Variants in CHST9 observed in about 807,000 individuals in gnomAD.
CHST9 encodes the protein GalNAc-4-sulfotransferase 2.
CHST9 carries 41 observed loss-of-function variants against 44.4 expected under a neutral mutation model. The ratio of observed to expected loss-of-function variants is 0.92; its 90% confidence interval spans 0.72 to 1.20. The LOEUF is 1.20. CHST9 is among the 50% of genes most tolerant of loss of function. The probability of loss-of-function intolerance (pLI) is 0.00; values close to 1 mark genes in which losing one functional copy is unlikely to be tolerated. For synonymous variants in CHST9, 171 were observed against 178.4 expected, an observed-to-expected ratio of 0.96 and a Z score of 0.33; for missense variants, 504 against 516.5, an observed-to-expected ratio of 0.98 and a Z score of 0.23.
At chr18:27,029,147 C>G (rs1371944693) in intron 3 of CHST9, among the ~76,000 whole-genome samples, 1 of 151,964 alleles carries the variant, frequency 6.6e-6, no homozygotes, top group Non-Finnish European at 1.5e-5. Flanking sequence ...TTCTCCTGGT[C>G]AGCAGGAGAA....
chr18:27,142,560 T>C, intron 2 of CHST9, 129 bp downstream of exon 2: 1 of 652,690 alleles, frequency 1.5e-6, no homozygotes, highest in African/African-American at 1.9e-5. Context: ...GGGAATTTTA[T>C]CTTATGACTC....
intron 5 of CHST9, among the ~76,000 whole-genome samples, chr18:26,922,342 T>C (rs2055672848): frequency 6.6e-6 from 1 of 152,210 alleles, no homozygotes; most frequent in South Asian, 2.1e-4. Context: ...CCCTTTGAAA[T>C]GACTATAGCA....
chr18:27,138,559 T>C (rs1190295261), intron 2 of CHST9, among the ~76,000 whole-genome samples: 1 of 151,910 alleles, frequency 6.6e-6, no homozygotes. Flanking sequence ...TGAATTTTCC[T>C]GAATTGTGGC....
At chr18:26,993,377 A>G (rs1293993052) in intron 4 of CHST9, among the ~76,000 whole-genome samples, 1 of 152,228 alleles carries the variant, frequency 6.6e-6, no homozygotes, top group Non-Finnish European at 1.5e-5. Context: ...TTTTAGGTCC[A>G]GAAATGAAGG....
At chr18:27,079,561 C>A (rs913286686) in intron 2 of CHST9, among the ~76,000 whole-genome samples, 1 of 152,000 alleles carries the variant, frequency 6.6e-6, no homozygotes, top group Non-Finnish European at 1.5e-5. Context: ...CATCCTAATA[C>A]CATATAGACG....
intron 5 of CHST9, among the ~76,000 whole-genome samples, chr18:26,928,005 C>G (rs927105142): frequency 3.4e-5 from 5 of 149,176 alleles, no homozygotes; most frequent in South Asian, 2.1e-4. Flanking sequence ...TTTAACAGCA[C>G]GCTGCCTTCA....
At chr18:27,139,500 C>T (rs55693855) in intron 2 of CHST9, among the ~76,000 whole-genome samples, 48,733 of 126,990 alleles carry the variant, frequency 0.38, 8,162 homozygotes, top group South Asian at 0.54. Context: ...CACACACACA[C>T]ATATATATAT....
intron 5 of CHST9, among the ~76,000 whole-genome samples, chr18:26,937,290 A>G (rs1248230822): frequency 6.6e-6 from 1 of 152,198 alleles, no homozygotes; most frequent in African/African-American, 2.4e-5. Context: ...ACCCTGGAGT[A>G]TATGTATGCT....
chr18:27,184,055 TA>T (rs1401819557), intron 1 of CHST9, among the ~76,000 whole-genome samples: 5 of 152,132 alleles, frequency 3.3e-5, no homozygotes, highest in African/African-American at 9.7e-5. Context: ...ATTCTGAGGT[TA>T]AAGCGAAGAA....
intron 1 of CHST9, among the ~76,000 whole-genome samples, chr18:27,167,518 A>G (rs1313461666): frequency 6.6e-6 from 1 of 152,252 alleles, no homozygotes; most frequent in African/African-American, 2.4e-5. Flanking sequence ...GAGTTACTCT[A>G]GCATACTCTG....
At chr18:26,928,087 T>TTCCTGTG (rs1270245800) in intron 5 of CHST9, among the ~76,000 whole-genome samples, 1 of 152,218 alleles carries the variant, frequency 6.6e-6, no homozygotes, top group Non-Finnish European at 1.5e-5. Context: ...CAGCACTTGT[T>TTCCTGTG]TCGGGGAGCA....
At chr18:27,004,252 G>A (rs139692051) in intron 4 of CHST9, among the ~76,000 whole-genome samples, 19 of 152,104 alleles carry the variant, frequency 1.2e-4, no homozygotes, top group African/African-American at 4.1e-4. Context: ...GAGGATTAAG[G>A]AGGGAAAAGG....
intron 3 of CHST9, among the ~76,000 whole-genome samples, chr18:27,030,248 T>C (rs1349767693): frequency 6.6e-6 from 1 of 152,200 alleles, no homozygotes; most frequent in Non-Finnish European, 1.5e-5. Context: ...TCATCACTTT[T>C]ATGGACTTTG....
At chr18:27,064,800 C>A (rs2057763603) in intron 2 of CHST9, among the ~76,000 whole-genome samples, 1 of 152,064 alleles carries the variant, frequency 6.6e-6, no homozygotes, top group Non-Finnish European at 1.5e-5. Flanking sequence ...ACAGGCTTCA[C>A]CCTACAATGC....
intron 5 of CHST9, among the ~76,000 whole-genome samples, chr18:26,928,753 G>A (rs986505527): frequency 6.6e-6 from 1 of 152,162 alleles, no homozygotes; most frequent in African/African-American, 2.4e-5. Context: ...TATCAGCTGT[G>A]GTTAAAGGTT....
chr18:26,906,557 G>A lies in CHST9; in HGVS notation c.*9702C>T, dbSNP rs1336849138. ...TGCATTTCCCATACCCCCCTTACTA[G>A]GTAGGTATTCTATCCTCAGTTTTCA... On this transcript the variant is annotated 3_prime_UTR_variant, in exon 6 of 6. Transcript: ENST00000618847. 1 of 152,076 alleles carries A rather than the reference G, an allele frequency of 6.6e-6. No homozygotes were observed. The highest frequency in any genetic ancestry group is 1.5e-5 in the Non-Finnish European group (1 of 68,016). The allele number at this position is 152,076 out of a possible 1,614,324, so 9.4% of individuals were successfully genotyped here. A position where few individuals can be genotyped will look rare whatever the true frequency, so the allele number is the denominator to read the frequency against.
chr18:27,129,000 G>T (rs2058449180), intron 2 of CHST9, among the ~76,000 whole-genome samples: 1 of 152,296 alleles, frequency 6.6e-6, no homozygotes, highest in South Asian at 2.1e-4. Flanking sequence ...GGGGCTTTCA[G>T]TAGGGAAGGA....
intron 2 of CHST9, among the ~76,000 whole-genome samples, chr18:27,121,463 G>A (rs932891333): frequency 1.3e-5 from 2 of 152,152 alleles, no homozygotes; most frequent in Non-Finnish European, 2.9e-5. Context: ...CTATAACTCA[G>A]GTTGGCCAAT....
intron 4 of CHST9, among the ~76,000 whole-genome samples, chr18:26,995,461 T>G (rs567822730): frequency 6.0e-4 from 89 of 147,988 alleles, no homozygotes; most frequent in African/African-American, 2.0e-3. Flanking sequence ...AAAAAAAGAT[T>G]ACTGCAGCCT....
Sources: gnomAD v4.1 joint callset for allele counts (sites outside exome capture counted in the v4.1 genomes callset) on GRCh38, gnomAD v4.1.1 for gene constraint, MANE v1.5 for transcripts, NCBI Gene and HGNC (gene_info 2026-07-23, HGNC 2026-07-21) for gene names.